Variants in SBF2 observed in about 807,000 individuals in gnomAD.
SBF2 encodes myotubularin-related protein 13.
A neutral mutation model predicts 225.2 loss-of-function variants in SBF2; 112 were observed. The observed-to-expected ratio is 0.50, with a 90% CI of 0.43 to 0.58. The LOEUF is 0.58. Ranked by LOEUF, SBF2 falls within the 20% of genes least tolerant of loss-of-function variation. The pLI, the probability that SBF2 is intolerant of heterozygous loss-of-function variation, is 0.00. For synonymous variants in SBF2, 763 were observed against 773.3 expected, an observed-to-expected ratio of 0.99 and a Z score of 0.22; for missense variants, 1,996 against 2,206.2, an observed-to-expected ratio of 0.90 and a Z score of 1.91.
chr11:10,012,850 GC>G (rs1458436379), intron 6 of SBF2, among the ~76,000 whole-genome samples: 1 of 151,884 alleles, frequency 6.6e-6, no homozygotes, highest in Non-Finnish European at 1.5e-5. Context: ...ATGTTAGGCT[GC>G]TGATGTCTGG....
chr11:10,110,633 G>A lies in SBF2; in HGVS notation c.142-67652C>T, dbSNP rs200532784. 2.6e-5 allele frequency among the ~76,000 whole-genome samples: 4 copies of A among 152,018 alleles called. No individual in the cohort carries two copies. In the East Asian group the frequency reaches 5.8e-4, roughly 22 times the overall value. ...AATTACTTTAAAATACCAATGACACGAGTTTTAAAAGCTATAAATTTAATA... is the reference window on the plus strand; with the variant it reads ...AATTACTTTAAAATACCAATGACACAAGTTTTAAAAGCTATAAATTTAATA... On this transcript the variant is annotated intron_variant, in intron 2 of 39. Transcript: ENST00000256190.
intron 16 of SBF2, among the ~76,000 whole-genome samples, chr11:9,923,604 C>G (rs1048981996): frequency 1.3e-5 from 2 of 152,108 alleles, no homozygotes; most frequent in African/African-American, 2.4e-5. Context: ...TTTCTTGACT[C>G]TAAAACAAAA....
At chr11:10,161,467 T>C (rs1955732168) in intron 2 of SBF2, among the ~76,000 whole-genome samples, 1 of 152,228 alleles carries the variant, frequency 6.6e-6, no homozygotes, top group Non-Finnish European at 1.5e-5. Context: ...AATGACTAGC[T>C]GAAGCCTGCA....
chr11:10,136,263 A>C (rs980683565), intron 2 of SBF2, among the ~76,000 whole-genome samples: 2 of 152,186 alleles, frequency 1.3e-5, no homozygotes, highest in East Asian at 3.8e-4. Context: ...CTACAATTCA[A>C]GGTGAGATTT....
At chr11:9,812,774 T>C (rs750530041) in intron 29 of SBF2, 66 bp from the exon 30 acceptor site, 130 of 1,527,406 alleles carry the variant, frequency 8.5e-5, no homozygotes, top group Non-Finnish European at 1.1e-4. Flanking sequence ...ATGTTTCCAA[T>C]GGGGCAGTGC....
In SBF2 at chr11:9,968,551, A is replaced by G. The variant is rs369973804; in HGVS notation, c.1396-6T>C. 9.1e-5 allele frequency: 147 copies of G among 1,607,748 alleles called. No homozygotes were observed. The highest frequency in any genetic ancestry group is 1.6e-4 in the Middle Eastern group (1 of 6,082). ...ATATGAGGATTTGGATTCTCCTGTA[A>G]TATCAGACATAGGTAAAATTACTCC... On this transcript the variant is annotated splice_region_variant and splice_polypyrimidine_tract_variant and intron_variant, in intron 13 of 39. Transcript: ENST00000256190.
At chr11:9,828,051 TATC>T (rs1183785643) in intron 28 of SBF2, 64 of 825,608 alleles carry the variant, frequency 7.8e-5, no homozygotes, top group Non-Finnish European at 1.0e-4. Context: ...TGATTTAAAA[TATC>T]AACTATCTAG....
intron 2 of SBF2, among the ~76,000 whole-genome samples, chr11:10,173,831 C>T (rs1452132117): frequency 1.3e-5 from 2 of 150,980 alleles, no homozygotes; most frequent in African/African-American, 4.9e-5. Flanking sequence ...GGCAGACTGC[C>T]TCCTCAAGTG....
chr11:9,847,217 A>C, intron 22 of SBF2, 134 bp from the exon 23 acceptor site: 1 of 1,090,780 alleles, frequency 9.2e-7, no homozygotes, highest in Non-Finnish European at 1.4e-6. Flanking sequence ...CAGTGAAAGA[A>C]AGTGCCCTTC....
At chr11:10,105,298 T>C (rs1033797077) in intron 2 of SBF2, among the ~76,000 whole-genome samples, 1 of 152,168 alleles carries the variant, frequency 6.6e-6, no homozygotes, top group East Asian at 1.9e-4. Context: ...GGAACAAATA[T>C]GAGAAATTTT....
chr11:10,155,229 C>A (rs1182949919), intron 2 of SBF2, among the ~76,000 whole-genome samples: 1 of 152,048 alleles, frequency 6.6e-6, no homozygotes, highest in Non-Finnish European at 1.5e-5. Context: ...ATTTTATACA[C>A]TGGTTGCATT....
chr11:9,833,421 ATT>A (rs371039800), intron 26 of SBF2, among the ~76,000 whole-genome samples: 6 of 134,030 alleles, frequency 4.5e-5, no homozygotes, highest in Admixed American at 1.5e-4. Flanking sequence ...TTTTTTGGTG[ATT>A]TTTTTTTTTT....
intron 2 of SBF2, among the ~76,000 whole-genome samples, chr11:10,112,192 C>A (rs960837155): frequency 1.2e-4 from 18 of 152,268 alleles, no homozygotes; most frequent in African/African-American, 3.9e-4. Context: ...AGAACAAGAA[C>A]TGAGAGTAAA....
At chr11:9,985,226 G>A (rs977256993) in intron 13 of SBF2, among the ~76,000 whole-genome samples, 4 of 152,112 alleles carry the variant, frequency 2.6e-5, no homozygotes, top group Non-Finnish European at 5.9e-5. Context: ...CATACATAAC[G>A]ACTCACATAA....
intron 2 of SBF2, among the ~76,000 whole-genome samples, chr11:10,183,415 T>A (rs1956812886): frequency 6.6e-6 from 1 of 152,206 alleles, no homozygotes. Context: ...GGTTATATAC[T>A]ATTTTTCAAG....
At chr11:10,216,724 G>A (rs555928458) in intron 1 of SBF2, among the ~76,000 whole-genome samples, 8 of 152,254 alleles carry the variant, frequency 5.3e-5, no homozygotes, top group African/African-American at 1.9e-4. Context: ...ACAAAAACTA[G>A]CCGGGTGTGG....
chr11:10,083,234 T>C (rs560364085), intron 2 of SBF2, among the ~76,000 whole-genome samples: 74 of 152,156 alleles, frequency 4.9e-4, no homozygotes, highest in African/African-American at 1.7e-3. Flanking sequence ...AAACTGTAGA[T>C]GACACAAACA....
chr11:10,064,585 G>C (rs1314401520), intron 2 of SBF2, among the ~76,000 whole-genome samples: 1 of 152,094 alleles, frequency 6.6e-6, no homozygotes, highest in Non-Finnish European at 1.5e-5. Flanking sequence ...AAAAGAAAAA[G>C]GAGGGGAAAC....
intron 16 of SBF2, chr11:9,929,151 C>A (rs537819347): frequency 4.2e-6 from 1 of 238,732 alleles, no homozygotes; most frequent in Admixed American, 4.9e-5. Context: ...TACAACTACA[C>A]GAGAAGGTGC....
Sources: gnomAD v4.1 joint callset for allele counts (sites outside exome capture counted in the v4.1 genomes callset) on GRCh38, gnomAD v4.1.1 for gene constraint, MANE v1.5 for transcripts, NCBI Gene and HGNC (gene_info 2026-07-23, HGNC 2026-07-21) for gene names.